ANKLE2: variants seen among roughly 807,000 people sequenced by gnomAD.
The protein encoded by ANKLE2 is ankyrin repeat and LEM domain containing 2.
In ANKLE2, 55 loss-of-function variants were observed where a neutral mutation model predicts 84.2. That is an observed-to-expected ratio of 0.65 (90% CI 0.53 to 0.82). The LOEUF (loss-of-function observed/expected upper bound fraction) is 0.82. Ranked by LOEUF, ANKLE2 falls within the 40% of genes least tolerant of loss-of-function variation. ANKLE2 has a pLI of 0.00. For synonymous variants in ANKLE2, 551 were observed against 486.1 expected, an observed-to-expected ratio of 1.13 and a Z score of -1.76; for missense variants, 1,238 against 1,201.9, an observed-to-expected ratio of 1.03 and a Z score of -0.44.
At position 132,741,347 on chromosome 12, in the gene ANKLE2, C is replaced by A; in HGVS notation, c.1420+72G>T. ...GGGAGCTCAGGAAAGCAAAGCTCTGCTGTGTCCCCCAACGCTCCAAGGCCC... is the reference window on the plus strand; with the variant it reads ...GGGAGCTCAGGAAAGCAAAGCTCTGATGTGTCCCCCAACGCTCCAAGGCCC... On this transcript the variant is annotated intron_variant, in intron 7 of 12. Transcript: ENST00000357997. 3 of 1,485,494 alleles carry A rather than the reference C, an allele frequency of 2.0e-6. No homozygotes were observed. The South Asian group carries it at 3.4e-5, about 17-fold the overall frequency. 92.0% of individuals were successfully genotyped at this position (1,485,494 alleles called of 1,614,324 possible).
chr12:132,743,639 G>A lies in ANKLE2; in HGVS notation c.1231-363C>T, dbSNP rs1254898687. ...GCTGGGATTACAGGTGTGAGTCACC[G>A]AGCCTGGCTTATACTTTTTTAAAAA... On this transcript the variant is annotated intron_variant, in intron 5 of 12. Transcript: ENST00000357997. This position sits in a 1 kb window ranked among gnomAD's most constrained non-coding sequence, Gnocchi z 4.1. Among the ~76,000 whole-genome samples the A allele has an allele frequency of 2.7e-5, 4 of 146,078 alleles. No individual in the cohort carries two copies. Among genetic ancestry groups the A allele is most frequent in the East Asian group, 3.9e-4 (2 of 5,096 alleles).
Position 132,726,631 on chromosome 12 carries a change from A to G in ANKLE2, c.*611T>C, listed in dbSNP as rs2043704273. ...TCATCTTCTGATCAGTAATTTAAAT[A>G]TTCCGAACAACCCAAATCACAATGG... On this transcript the variant is annotated 3_prime_UTR_variant, in exon 13 of 13. Coordinates refer to ENST00000357997, the MANE Select transcript of ANKLE2 (RefSeq NM_015114.3). 6.6e-6 allele frequency: 1 copy of G among 152,230 alleles called. No individual in the cohort carries two copies. Among genetic ancestry groups the G allele is most frequent in the South Asian group, 2.1e-4 (1 of 4,834 alleles). The allele number at this position is 152,230 out of a possible 1,614,324, so 9.4% of individuals were successfully genotyped here. A position where few individuals can be genotyped will look rare whatever the true frequency, so the allele number is the denominator to read the frequency against.
intron 6 of ANKLE2, 100 bp from the exon 7 acceptor site, chr12:132,741,585 A>G: frequency 8.9e-7 from 1 of 1,118,912 alleles, no homozygotes; most frequent in Non-Finnish European, 1.3e-6. Flanking sequence ...GTAAAGTAGA[A>G]TAGTATCTTA....
At chr12:132,757,936 T>C in intron 1 of ANKLE2, 1 of 150,810 alleles carries the variant, frequency 6.6e-6, no homozygotes, top group Admixed American at 6.6e-5. Context: ...GTGAGCCCTG[T>C]TTGTGCCACT....
intron 1 of ANKLE2, chr12:132,758,528 AT>A (rs147868815): frequency 8.7e-4 from 129 of 147,724 alleles, no homozygotes; most frequent in Non-Finnish European, 9.6e-4. Context: ...TCCATTAACA[AT>A]TTTTTTTTTT....
rs1297546257 is a variant in ANKLE2, at chr12:132,729,775, G to T, written c.2387C>A (p.Ala796Asp). The T allele has an allele frequency of 1.2e-6, 2 of 1,612,604 alleles. No individual in the cohort carries two copies. The highest frequency in any genetic ancestry group is 3.3e-5 in the Admixed American group (2 of 59,928). Residue 796 changes from alanine (A) to aspartate (D), a missense_variant, in exon 11 of 13, where the codon GCC becomes GAC. Physicochemically the swap from Ala to Asp is moderately radical, Grantham distance 126 (BLOSUM62 -2). This residue lies in a region of ANKLE2 where 802 missense variants were observed against 774.5 expected (regional missense o/e 1.04). Coordinates refer to ENST00000357997, the MANE Select transcript of ANKLE2 (RefSeq NM_015114.3). ...GHRRTESEMS[A>D]RIAKMSLSPS... ...ACTCAAGGACATTTTAGCGATCCTG[G>T]CTGACATTTCACTTTCTGTCCTCCT...
In ANKLE2 at chr12:132,761,601, G is replaced by T; in HGVS notation, c.181+17C>A. 5 of 1,221,046 alleles carry T rather than the reference G, an allele frequency of 4.1e-6. No individual in the cohort carries two copies. In the South Asian group the frequency reaches 1.5e-4, roughly 36 times the overall value. 75.6% of individuals were successfully genotyped at this position (1,221,046 alleles called of 1,614,324 possible). The stretch of plus-strand genomic sequence containing the variant: ...AGGGGCCAGGGTGCGGGGACCCAGC[G>T]ACCGCCTGGGCCTTACCTGAGGCGG... On this transcript the variant is annotated intron_variant, in intron 1 of 12. Transcript: ENST00000357997.
intron 1 of ANKLE2, chr12:132,758,454 T>A (rs1240120352): frequency 2.6e-5 from 4 of 151,938 alleles, no homozygotes; most frequent in Admixed American, 2.6e-4. Flanking sequence ...GATCACAAGG[T>A]CTTTGACAGA....
In ANKLE2 at chr12:132,741,734, T is replaced by G. The variant is rs979278923; in HGVS notation, c.1354-249A>C. The G allele has an allele frequency of 5.8e-5, 36 of 616,608 alleles. No individual in the cohort carries two copies. The East Asian group carries it at 1.1e-3, about 18-fold the overall frequency. 38.2% of individuals were successfully genotyped at this position (616,608 alleles called of 1,614,324 possible). ...TTCTTGTTTGCGCTACTCGACATTT[T>G]CTAACTGTCTGCAAGGAGAGGAAAA... On this transcript the variant is annotated intron_variant, in intron 6 of 12. Coordinates refer to ENST00000357997, the MANE Select transcript of ANKLE2 (RefSeq NM_015114.3).
Position 132,725,793 on chromosome 12 carries a change from T to TTTTAAAAA in ANKLE2, c.*1448_*1449insTTTTTAAA. The stretch of plus-strand genomic sequence containing the variant: ...TTCTGATTTCTTTTGAGAACCAAGG[T>TTTTAAAAA]GCCTTTTAAAATGCGGCTTTTTAGA... On this transcript the variant is annotated 3_prime_UTR_variant, in exon 13 of 13. Coordinates refer to ENST00000357997, the MANE Select transcript of ANKLE2 (RefSeq NM_015114.3). 6.6e-6 allele frequency: 1 copy of TTTTAAAAA among 152,242 alleles called. No homozygotes were observed. Among genetic ancestry groups the TTTTAAAAA allele is most frequent in the Non-Finnish European group, 1.5e-5 (1 of 68,046 alleles). 9.4% of individuals were successfully genotyped at this position (152,242 alleles called of 1,614,324 possible).
chr12:132,730,350 TGCC>T, intron 10 of ANKLE2, 80 bp from the exon 11 acceptor site: 1 of 434,444 alleles, frequency 2.3e-6, no homozygotes, highest in African/African-American at 3.9e-5. Flanking sequence ...CATGACCAAC[TGCC>T]GTGACCCCAG....
chr12:132,734,944 G>C (rs2043978080), intron 9 of ANKLE2: 1 of 280,376 alleles, frequency 3.6e-6, no homozygotes. Flanking sequence ...TCATGGCCAG[G>C]CACACGAAAG....
chr12:132,730,154 CA>C lies in ANKLE2; in HGVS notation c.2007del (p.Phe669LeufsTer18). 6.2e-7 allele frequency: 1 copy of C among 1,611,612 alleles called. No individual in the cohort carries two copies. The highest frequency in any genetic ancestry group is 1.7e-5 in the Admixed American group (1 of 59,928). ...RNNSPPTVGA[F>X]GHTRCSAFPL... is the part of the protein sequence containing the mutation. ...GGGAAGGCGCTGCACCTCGTATGTCCAAAAGCACCGACTGTGGGCGGGCTGT... is the reference window on the plus strand; with the variant it reads ...GGGAAGGCGCTGCACCTCGTATGTCCAAAGCACCGACTGTGGGCGGGCTGT... On this transcript the variant is annotated frameshift_variant, in exon 11 of 13. Transcript: ENST00000357997. LOFTEE classifies it high-confidence loss of function.
chr12:132,734,612 C>T (rs1248833800), intron 9 of ANKLE2, 37 bp from the exon 10 acceptor site: 2 of 1,566,556 alleles, frequency 1.3e-6, no homozygotes. Flanking sequence ...AGCTGTGAAA[C>T]CAGAAAAAAT....
chr12:132,759,893 G>A (rs1392539329), intron 1 of ANKLE2: 1 of 152,066 alleles, frequency 6.6e-6, no homozygotes, highest in African/African-American at 2.4e-5. Context: ...CAGCATTTTG[G>A]GAAGCTGAGG....
At position 132,741,425 on chromosome 12, in the gene ANKLE2, A is replaced by T. The variant is rs780234820; in HGVS notation, c.1414T>A (p.Leu472Ile). The stretch of plus-strand genomic sequence containing the variant: ...CACCAACTCCCCATCTTACCCTTTA[A>T]ATACTCTCTGATCCGCTCCTTCAGT... ...VELKERIREY[L>I]KGHYYVPLLR... The change falls in exon 7 of 13, where the codon TTA (leucine) becomes ATA (isoleucine). Residue 472 changes from leucine (L) to isoleucine (I), a missense_variant. Physicochemically the swap from Leu to Ile is conservative, Grantham distance 5 (BLOSUM62 2). Transcript: ENST00000357997. 2 of 1,614,166 alleles carry T rather than the reference A, an allele frequency of 1.2e-6. No homozygotes were observed. The highest frequency in any genetic ancestry group is 1.7e-6 in the Non-Finnish European group (2 of 1,180,028).
intron 11 of ANKLE2, among the ~76,000 whole-genome samples, chr12:132,729,172 G>A (rs571676949): frequency 4.0e-5 from 6 of 150,942 alleles, no homozygotes; most frequent in South Asian, 2.1e-4. Flanking sequence ...CCAATATGGC[G>A]AAACCCCATC....
chr12:132,729,984 C>G lies in ANKLE2; in HGVS notation c.2178G>C (p.Leu726=). The G allele has an allele frequency of 6.2e-7, 1 of 1,613,438 alleles. No homozygotes were observed. The highest frequency in any genetic ancestry group is 1.1e-5 in the South Asian group (1 of 91,084). Residue 726 remains leucine (L), a synonymous_variant, in exon 11 of 13, where the codon CTG becomes CTC. Transcript: ENST00000357997. Reference sequence around the variant, plus strand: ...CAACAGTCAAATCCGAGACAGGTGGCAGATGGGCTTCCTCCCCACGGGGGG... The same window carrying G: ...CAACAGTCAAATCCGAGACAGGTGGGAGATGGGCTTCCTCCCCACGGGGGG... ...PKAPRGEEAH[L]PPVSDLTVEF...
intron 9 of ANKLE2, 191 bp downstream of exon 9, chr12:132,735,215 T>A (rs922719031): frequency 5.0e-6 from 3 of 597,700 alleles, no homozygotes; most frequent in Admixed American, 5.9e-5. Flanking sequence ...ATCCCCCAGG[T>A]CTGGGACGGG....
Sources: gnomAD v4.1 joint callset for allele counts (sites outside exome capture counted in the v4.1 genomes callset) on GRCh38, gnomAD v4.1.1 for gene constraint, gnomAD v4.1.1 regional missense constraint, Gnocchi (gnomAD v3.1) non-coding constraint, MANE v1.5 for transcripts, NCBI Gene and HGNC (gene_info 2026-07-23, HGNC 2026-07-21) for gene names.